The following C1orf167 variants were observed in gnomAD, a reference collection of about 807,000 sequenced individuals.
C1orf167 encodes chromosome 1 open reading frame 167, also known as uncharacterized protein C1orf167.
A neutral mutation model predicts 176.5 loss-of-function variants in C1orf167; 153 were observed. The ratio of observed to expected loss-of-function variants is 0.87; its 90% confidence interval spans 0.76 to 0.99. C1orf167 has a LOEUF of 0.99. Ranked by LOEUF, C1orf167 falls within the 50% of genes least tolerant of loss-of-function variation. C1orf167 has a pLI of 0.00. For missense variants in C1orf167, 1,490 were observed against 1,817.7 expected, an observed-to-expected ratio of 0.82 and a Z score of 3.28; for synonymous variants, 594 against 752.7, an observed-to-expected ratio of 0.79 and a Z score of 3.45.
chr1:11,762,560 A>G (rs1181234209), intron 1 of C1orf167, among the ~76,000 whole-genome samples: 1 of 152,166 alleles, frequency 6.6e-6, no homozygotes, highest in Non-Finnish European at 1.5e-5. Flanking sequence ...GTTCTTGGTT[A>G]GGAGTCTGCG....
chr1:11,784,143 C>T (rs1045004896), intron 14 of C1orf167, 31 bp from the exon 15 acceptor site: 16 of 1,209,338 alleles, frequency 1.3e-5, no homozygotes, highest in Non-Finnish European at 1.7e-5. Flanking sequence ...GCATGAGCCA[C>T]CACACCTGGC....
chr1:11,771,689 C>T, intron 7 of C1orf167, 53 bp downstream of exon 7: 1 of 1,199,060 alleles, frequency 8.3e-7, no homozygotes, highest in Non-Finnish European at 1.1e-6. Context: ...CCACGCAGGG[C>T]CTGAGCTCCA....
rs751862376 is a variant in C1orf167, at chr1:11,784,172, A to G, written c.3006-2A>G. The G allele has an allele frequency of 4.1e-6, 5 of 1,221,450 alleles. No individual in the cohort carries two copies. Among genetic ancestry groups the G allele is most frequent in the Non-Finnish European group, 5.3e-6 (5 of 948,160 alleles). The allele number at this position is 1,221,450 out of a possible 1,614,324, so 75.7% of individuals were successfully genotyped here. On this transcript the variant is annotated splice_acceptor_variant, in intron 14 of 20. Coordinates refer to ENST00000688073, the MANE Select transcript of C1orf167 (RefSeq NM_001010881.2). LOFTEE classifies it high-confidence loss of function. ...ACCTGGCCCAATGTGTCTGTTTTGC[A>G]GCTACTTCCAGGCCTGGTGTGAGGT...
rs932123110 is a variant in C1orf167, at chr1:11,766,027, C to T, written c.241C>T (p.Arg81Cys). The change falls in exon 3 of 21, where the codon CGC becomes TGC. Residue 81 changes from arginine (R) to cysteine (C), a missense_variant. By Grantham distance (180) the Arg-to-Cys change is radical. Coordinates refer to ENST00000688073, the MANE Select transcript of C1orf167 (RefSeq NM_001010881.2). The surrounding 1 kb of genome is among the most constrained non-coding windows in gnomAD (Gnocchi z 4.5). ...GACCAACCTGGCCAGCCCTGGTCCCCGCCTGGGCCTAGCTCTGAAGGACAC... is the reference window on the plus strand; with the variant it reads ...GACCAACCTGGCCAGCCCTGGTCCCTGCCTGGGCCTAGCTCTGAAGGACAC... ...VQTNLASPGP[R>C]LGLALKDTTG... The T allele has an allele frequency of 4.8e-5, 62 of 1,289,704 alleles. No individual in the cohort carries two copies. The highest frequency in any genetic ancestry group is 5.6e-5 in the Non-Finnish European group (55 of 988,870). 79.9% of individuals were successfully genotyped at this position (1,289,704 alleles called of 1,614,324 possible). A position where few individuals can be genotyped will look rare whatever the true frequency, so the allele number is the denominator to read the frequency against.
At chr1:11,763,779 G>A (rs1045310006) in intron 1 of C1orf167, among the ~76,000 whole-genome samples, 1 of 152,212 alleles carries the variant, frequency 6.6e-6, no homozygotes, top group South Asian at 2.1e-4. Flanking sequence ...CCAGTTGGGA[G>A]GTGGCAGGTG....
At chr1:11,765,756 G>T (rs1380550843) in intron 2 of C1orf167, 101 bp from the exon 3 acceptor site, 1 of 1,084,574 alleles carries the variant, frequency 9.2e-7, no homozygotes. Flanking sequence ...CCCTCCCGCT[G>T]CTGGGGCCCT....
rs544096469 is a variant in C1orf167 at position 11,768,513 on chromosome 1, C to T, written c.1542+238C>T. On this transcript the variant is annotated intron_variant, in intron 5 of 20. Coordinates refer to ENST00000688073, the MANE Select transcript of C1orf167 (RefSeq NM_001010881.2). This position sits in a 1 kb window ranked among gnomAD's most constrained non-coding sequence, Gnocchi z 4.5. ...GGGCAAGTTACCTAACCTCTCTGTG[C>T]CCCAGTCTCTTTATCTCTAAAATGG... Among the ~76,000 whole-genome samples, 147 of 152,306 alleles carry T rather than the reference C, an allele frequency of 9.7e-4. No homozygotes were observed. Among genetic ancestry groups the T allele is most frequent in the African/African-American group, 3.3e-3 (139 of 41,560 alleles).
chr1:11,774,665 G>C (rs1258763052), intron 8 of C1orf167, among the ~76,000 whole-genome samples: 1 of 152,168 alleles, frequency 6.6e-6, no homozygotes, highest in Admixed American at 6.5e-5. Flanking sequence ...CAGGGTAGGG[G>C]GGCTGAGGGT....
At chr1:11,774,702 G>A (rs1167431532) in intron 8 of C1orf167, among the ~76,000 whole-genome samples, 1 of 152,208 alleles carries the variant, frequency 6.6e-6, no homozygotes, top group East Asian at 1.9e-4. Flanking sequence ...GGAAAAATCT[G>A]TGGGGACCAG....
intron 17 of C1orf167, 60 bp from the exon 18 acceptor site, chr1:11,787,813 T>C (rs1182054178): frequency 8.4e-7 from 1 of 1,184,436 alleles, no homozygotes; most frequent in Non-Finnish European, 1.1e-6. Context: ...AGGCGGGCAC[T>C]AAGAGCAGCT....
chr1:11,766,713 G>A lies in C1orf167; in HGVS notation c.927G>A (p.Leu309=). 2 of 1,289,750 alleles carry A rather than the reference G, an allele frequency of 1.6e-6. No homozygotes were observed. Among genetic ancestry groups the A allele is most frequent in the Non-Finnish European group, 2.0e-6 (2 of 988,852 alleles). The allele number at this position is 1,289,750 out of a possible 1,614,324, so 79.9% of individuals were successfully genotyped here. A position where few individuals can be genotyped will look rare whatever the true frequency, so the allele number is the denominator to read the frequency against. Residue 309 remains leucine (L), a synonymous_variant, in exon 3 of 21, where the codon TTG becomes TTA. Transcript: ENST00000688073. The surrounding 1 kb of genome is among the most constrained non-coding windows in gnomAD (Gnocchi z 4.5). ...LRGHRETAAF[L]ETPASLSDSW... ...GCCACAGGGAAACTGCGGCTTTCTT[G>A]GAGACCCCGGCTAGTCTCTCAGACT...
intron 1 of C1orf167, among the ~76,000 whole-genome samples, chr1:11,763,030 C>T (rs1642590263): frequency 6.6e-6 from 1 of 152,078 alleles, no homozygotes; most frequent in Non-Finnish European, 1.5e-5. Flanking sequence ...CACAGAGGCG[C>T]TGAGGTGAGG....
At chr1:11,769,674 G>GTTTTT (rs70983593) in intron 6 of C1orf167, among the ~76,000 whole-genome samples, 1 of 142,172 alleles carries the variant, frequency 7.0e-6, no homozygotes, top group African/African-American at 2.6e-5. Context: ...TGTTTAGGAA[G>GTTTTT]TTTTTTTTTT....
Position 11,775,629 on chromosome 1 carries a change from C to G in C1orf167, c.2164+19C>G. 7.7e-7 allele frequency: 1 copy of G among 1,292,746 alleles called. No homozygotes were observed. Among genetic ancestry groups the G allele is most frequent in the Non-Finnish European group, 1.0e-6 (1 of 983,180 alleles). 80.1% of individuals were successfully genotyped at this position (1,292,746 alleles called of 1,614,324 possible). ...AAAGCAGGTGAGCTAGTGTTGGCTT[C>G]CGCCCCAGCAAACCGTGTCACTTAA... is the stretch of plus-strand genomic sequence containing the variant. On this transcript the variant is annotated intron_variant, in intron 9 of 20. Coordinates refer to ENST00000688073, the MANE Select transcript of C1orf167 (RefSeq NM_001010881.2).
chr1:11,762,858 A>G (rs1310594334), intron 1 of C1orf167, among the ~76,000 whole-genome samples: 1 of 152,230 alleles, frequency 6.6e-6, no homozygotes, highest in Non-Finnish European at 1.5e-5. Flanking sequence ...CTCCTAGGCC[A>G]CTGGAGGGAG....
At chr1:11,776,443 G>T (rs1643319237) in intron 9 of C1orf167, 21 bp from the exon 10 acceptor site, 2 of 1,296,652 alleles carry the variant, frequency 1.5e-6, no homozygotes, top group Non-Finnish European at 2.0e-6. Flanking sequence ...GCAGCTGACT[G>T]GACTCTTGAC....
At chr1:11,771,427 G>C (rs1381891054) in intron 6 of C1orf167, 97 bp from the exon 7 acceptor site, 2 of 637,414 alleles carry the variant, frequency 3.1e-6, no homozygotes, top group Non-Finnish European at 5.0e-6. Flanking sequence ...CTGCTCCCAA[G>C]GGCAGACCGC....
intron 1 of C1orf167, among the ~76,000 whole-genome samples, chr1:11,762,820 CA>C (rs987046046): frequency 3.3e-5 from 5 of 152,096 alleles, no homozygotes; most frequent in South Asian, 2.1e-4. Flanking sequence ...AACAAACAAA[CA>C]AAAAAAACCA....
chr1:11,788,395 C>G lies in C1orf167; in HGVS notation c.4078+17C>G. 7.8e-7 allele frequency: 1 copy of G among 1,280,248 alleles called. No homozygotes were observed. Among genetic ancestry groups the G allele is most frequent in the South Asian group, 1.2e-5 (1 of 80,024 alleles). The allele number at this position is 1,280,248 out of a possible 1,614,324, so 79.3% of individuals were successfully genotyped here. A position where few individuals can be genotyped will look rare whatever the true frequency, so the allele number is the denominator to read the frequency against. ...CGGACCCTGGTGAGTGGGTGCACCCCTCTCCACACTGACCATCTCCCATTT... is the reference window on the plus strand; with the variant it reads ...CGGACCCTGGTGAGTGGGTGCACCCGTCTCCACACTGACCATCTCCCATTT... On this transcript the variant is annotated intron_variant, in intron 19 of 20. Coordinates refer to ENST00000688073, the MANE Select transcript of C1orf167 (RefSeq NM_001010881.2).
Sources: gnomAD v4.1 joint callset for allele counts (sites outside exome capture counted in the v4.1 genomes callset) on GRCh38, gnomAD v4.1.1 for gene constraint, Gnocchi (gnomAD v3.1) non-coding constraint, MANE v1.5 for transcripts, NCBI Gene and HGNC (gene_info 2026-07-23, HGNC 2026-07-21) for gene names.